RIMS2: variants seen among roughly 807,000 people sequenced by gnomAD.
The protein encoded by RIMS2 is regulating synaptic membrane exocytosis 2.
Under a neutral mutation model 174.4 loss-of-function variants are expected in RIMS2, and 59 were observed. That is an observed-to-expected ratio of 0.34 (90% confidence interval 0.27 to 0.42). The LOEUF is 0.42. RIMS2 is among the 10% of genes least tolerant of loss of function. The pLI, the probability that RIMS2 is intolerant of heterozygous loss-of-function variation, is 1.00. For synonymous variants in RIMS2, 606 were observed against 572.5 expected (o/e 1.06, Z -0.84); for missense variants, 1,620 against 1,666.3 (o/e 0.97, Z 0.48).
At chr8:103,842,812 G>A (rs907731187) in intron 3 of RIMS2, among the ~76,000 whole-genome samples, 2 of 152,128 alleles carry the variant, frequency 1.3e-5, no homozygotes, top group African/African-American at 4.8e-5. Flanking sequence ...CCATAAACTG[G>A]GTGGCTTAAA....
chr8:103,951,235 C>CA (rs2085274304), intron 14 of RIMS2, among the ~76,000 whole-genome samples: 2 of 152,170 alleles, frequency 1.3e-5, no homozygotes, highest in Non-Finnish European at 2.9e-5. Context: ...TAATGAGAGC[C>CA]ACCTATGACA....
intron 1 of RIMS2, among the ~76,000 whole-genome samples, chr8:103,583,028 G>A (rs2093700792): frequency 6.6e-6 from 1 of 152,226 alleles, no homozygotes; most frequent in Admixed American, 6.5e-5. Context: ...CGCAGTCATA[G>A]TGGTGGTGGC....
chr8:104,229,960 A>G (rs1467605848), intron 19 of RIMS2, among the ~76,000 whole-genome samples: 1 of 152,240 alleles, frequency 6.6e-6, no homozygotes, highest in East Asian at 1.9e-4. Flanking sequence ...CACCAAGAAC[A>G]AAGGATTTGA....
intron 19 of RIMS2, among the ~76,000 whole-genome samples, chr8:104,047,280 C>G (rs1216534715): frequency 6.6e-6 from 1 of 152,056 alleles, no homozygotes; most frequent in Non-Finnish European, 1.5e-5. Context: ...TAATATATTA[C>G]TCATACATTC....
chr8:103,622,123 C>A (rs1287119908), intron 1 of RIMS2, among the ~76,000 whole-genome samples: 1 of 151,890 alleles, frequency 6.6e-6, no homozygotes, highest in Non-Finnish European at 1.5e-5. Flanking sequence ...AAGGTTATTA[C>A]CCTTTACAGA....
At position 104,054,138 on chromosome 8, in the gene RIMS2, C is replaced by G. The variant is rs1597837970; in HGVS notation, c.3334+39523C>G. Among the ~76,000 whole-genome samples the G allele has an allele frequency of 5.3e-5, 8 of 152,262 alleles. No individual in the cohort carries two copies. The South Asian group carries it at 1.7e-3, about 32-fold the overall frequency. ...TCTCCTAGTCTGTCCTGATGTCTCT[C>G]CATCTAATTCTCATCCTTCTTAATC... On this transcript the variant is annotated intron_variant, in intron 19 of 23. Transcript: ENST00000504942.
intron 3 of RIMS2, among the ~76,000 whole-genome samples, chr8:103,774,909 A>T (rs2098296322): frequency 1.3e-5 from 2 of 152,160 alleles, no homozygotes; most frequent in South Asian, 4.1e-4. Flanking sequence ...TTTAGTAAAA[A>T]ATTAAAGGAG....
chr8:103,704,508 T>A (rs2097202024), intron 2 of RIMS2, among the ~76,000 whole-genome samples: 1 of 152,122 alleles, frequency 6.6e-6, no homozygotes, highest in Non-Finnish European at 1.5e-5. Flanking sequence ...TAGTCTCTCC[T>A]CTTCAAAACT....
At chr8:103,703,158 T>C (rs2097187130) in intron 2 of RIMS2, among the ~76,000 whole-genome samples, 1 of 152,016 alleles carries the variant, frequency 6.6e-6, no homozygotes, top group South Asian at 2.1e-4. Context: ...TTTTTTGATT[T>C]TTTTTGTAGA....
At position 104,245,824 on chromosome 8, in the gene RIMS2, G is replaced by A. The variant is rs575959417; in HGVS notation, c.3476+767G>A. Among the ~76,000 whole-genome samples, 33 of 152,298 alleles carry A rather than the reference G, an allele frequency of 2.2e-4. No individual in the cohort carries two copies. The South Asian group carries it at 2.3e-3, about 11-fold the overall frequency. On this transcript the variant is annotated intron_variant, in intron 20 of 23. Coordinates refer to ENST00000504942, the Ensembl canonical transcript of RIMS2. Reference sequence around the variant, plus strand: ...AGGAGCTGTTGGCACAGCATGAATGGTATGTCTCAGGATAATTTGTCTAGC... The same window carrying A: ...AGGAGCTGTTGGCACAGCATGAATGATATGTCTCAGGATAATTTGTCTAGC...
intron 6 of RIMS2, 29 bp downstream of exon 9, chr8:103,912,201 C>T (rs2154527496): frequency 1.3e-6 from 2 of 1,564,958 alleles, no homozygotes; most frequent in South Asian, 1.2e-5. Flanking sequence ...GAGATTTTGG[C>T]TCTATACTCT....
At chr8:104,230,182 G>A (rs1412989308) in intron 19 of RIMS2, among the ~76,000 whole-genome samples, 4 of 151,688 alleles carry the variant, frequency 2.6e-5, no homozygotes, top group South Asian at 2.1e-4. Flanking sequence ...AGGAGGCTGA[G>A]GCAGGAGAAT....
At chr8:104,160,043 G>A (rs2098751456) in intron 19 of RIMS2, among the ~76,000 whole-genome samples, 1 of 152,078 alleles carries the variant, frequency 6.6e-6, no homozygotes, top group Admixed American at 6.5e-5. Flanking sequence ...GGAGGCTGAG[G>A]CGGGAGGATT....
intron 3 of RIMS2, among the ~76,000 whole-genome samples, chr8:103,838,717 G>A (rs1015109904): frequency 2.0e-5 from 3 of 152,122 alleles, no homozygotes; most frequent in African/African-American, 7.2e-5. Context: ...TGTTAATCAT[G>A]TGCAGTATAT....
chr8:103,517,590 T>C (rs1277951362), intron 1 of RIMS2, among the ~76,000 whole-genome samples: 1 of 152,234 alleles, frequency 6.6e-6, no homozygotes, highest in Non-Finnish European at 1.5e-5. Flanking sequence ...TGTTGTCTAG[T>C]GCAGTCTTAT....
chr8:103,713,466 C>G (rs2097332763), intron 2 of RIMS2, among the ~76,000 whole-genome samples: 1 of 152,176 alleles, frequency 6.6e-6, no homozygotes. Flanking sequence ...TTTTAATTGG[C>G]CCTATTTTCC....
intron 1 of RIMS2, among the ~76,000 whole-genome samples, chr8:103,587,421 AAAG>A (rs1318516907): frequency 1.1e-5 from 1 of 91,660 alleles, no homozygotes; most frequent in African/African-American, 4.0e-5. Context: ...AGAAAGAAAG[AAAG>A]AAAGAAAGAA....
intron 19 of RIMS2, among the ~76,000 whole-genome samples, chr8:104,175,030 G>C (rs992520169): frequency 6.0e-5 from 9 of 150,468 alleles, no homozygotes; most frequent in African/African-American, 2.2e-4. Context: ...GACAAGTAGA[G>C]AGAAAAGTCT....
At chr8:103,807,023 T>A (rs2098654709) in intron 3 of RIMS2, among the ~76,000 whole-genome samples, 1 of 151,942 alleles carries the variant, frequency 6.6e-6, no homozygotes, top group Non-Finnish European at 1.5e-5. Flanking sequence ...GTTAAATGAG[T>A]CTGGAGTTTT....
Sources: gnomAD v4.1 joint callset for allele counts (sites outside exome capture counted in the v4.1 genomes callset) on GRCh38, gnomAD v4.1.1 for gene constraint, MANE v1.5 for transcripts, NCBI Gene and HGNC (gene_info 2026-07-23, HGNC 2026-07-21) for gene names.